PLEKHA5: variants seen among roughly 807,000 people sequenced by gnomAD.
PLEKHA5 encodes pleckstrin homology domain containing A5, also known as pleckstrin homology domain-containing family A member 5.
PLEKHA5 carries 55 observed loss-of-function variants against 181.9 expected under a neutral mutation model. That is an observed-to-expected ratio of 0.30 (90% confidence interval 0.24 to 0.38). The LOEUF (loss-of-function observed/expected upper bound fraction) is 0.38. Ranked by LOEUF, PLEKHA5 falls within the 10% of genes least tolerant of loss-of-function variation. PLEKHA5 has a pLI of 1.00. For missense variants in PLEKHA5, 1,432 were observed against 1,549.5 expected, an observed-to-expected ratio of 0.92 and a Z score of 1.27; for synonymous variants, 535 against 529.4, an observed-to-expected ratio of 1.01 and a Z score of -0.15.
intron 3 of PLEKHA5, among the ~76,000 whole-genome samples, chr12:19,241,808 A>C (rs2062669628): frequency 6.6e-6 from 1 of 152,064 alleles, no homozygotes; most frequent in African/African-American, 2.4e-5. Context: ...AAATACATAC[A>C]ATTTTTTTTT....
intron 3 of PLEKHA5, among the ~76,000 whole-genome samples, chr12:19,189,044 G>A (rs990697628): frequency 1.3e-5 from 2 of 152,272 alleles, no homozygotes; most frequent in East Asian, 3.9e-4. Context: ...TCAATAAAGT[G>A]TGTTTAAATG....
chr12:19,353,961 G>A lies in PLEKHA5; in HGVS notation c.3097G>A (p.Val1033Ile), dbSNP rs1468675379. 6 of 1,606,788 alleles carry A rather than the reference G, an allele frequency of 3.7e-6. No individual in the cohort carries two copies. The highest frequency in any genetic ancestry group is 1.7e-5 in the Admixed American group (1 of 59,890). Residue 1033 changes from valine (V) to isoleucine (I), a missense_variant, in exon 26 of 32, where the codon GTA (valine) becomes ATA (isoleucine). Physicochemically the swap from Val to Ile is conservative, Grantham distance 29. Coordinates refer to ENST00000429027, the MANE Select transcript of PLEKHA5 (RefSeq NM_001256470.2). ...TPESSTIASY[V>I]TLRKTKKMMD... is the part of the protein sequence containing the mutation. ...CGAATCTTCGACAATAGCTTCCTAT[G>A]TAACCTTGAGGAAAACTAAGAAGAT...
At chr12:19,261,069 A>AC in intron 7 of PLEKHA5, 48 bp downstream of exon 7, 1 of 988,758 alleles carries the variant, frequency 1.0e-6, no homozygotes, top group Non-Finnish European at 1.6e-6. Flanking sequence ...ATTGATATGT[A>AC]ATATAAGTTA....
intron 3 of PLEKHA5, among the ~76,000 whole-genome samples, chr12:19,189,866 T>C (rs2050697452): frequency 6.6e-6 from 1 of 152,230 alleles, no homozygotes; most frequent in Admixed American, 6.5e-5. Context: ...AGGGCTCTTT[T>C]GAGAACAGCC....
At chr12:19,151,718 T>C (rs950093335) in intron 3 of PLEKHA5, 1 of 152,106 alleles carries the variant, frequency 6.6e-6, no homozygotes, top group Non-Finnish European at 1.5e-5. Flanking sequence ...ATTAATGATA[T>C]ATGCAAATAC....
intron 20 of PLEKHA5, among the ~76,000 whole-genome samples, chr12:19,332,415 A>G (rs778748515): frequency 5.3e-5 from 8 of 152,184 alleles, no homozygotes; most frequent in Non-Finnish European, 1.0e-4. Context: ...TTTTACTAGC[A>G]TACCAGAAGC....
intron 3 of PLEKHA5, among the ~76,000 whole-genome samples, chr12:19,187,515 G>A (rs551805755): frequency 2.6e-5 from 4 of 152,236 alleles, no homozygotes; most frequent in South Asian, 2.1e-4. Context: ...GCTTCAGTTC[G>A]TCAGTCATGG....
intron 3 of PLEKHA5, among the ~76,000 whole-genome samples, chr12:19,246,137 C>T (rs899383414): frequency 2.6e-5 from 4 of 151,472 alleles, no homozygotes; most frequent in African/African-American, 4.8e-5. Context: ...CGCCACCACA[C>T]CCGGTTAACT....
intron 2 of PLEKHA5, among the ~76,000 whole-genome samples, chr12:19,131,818 C>A (rs551728980): frequency 6.6e-6 from 1 of 152,250 alleles, no homozygotes; most frequent in Admixed American, 6.5e-5. Flanking sequence ...GACCATTGTT[C>A]ACCTGAATCA....
intron 3 of PLEKHA5, among the ~76,000 whole-genome samples, chr12:19,220,394 C>A (rs555779501): frequency 1.3e-4 from 20 of 152,116 alleles, no homozygotes; most frequent in African/African-American, 4.3e-4. Context: ...CAGTCTGCGT[C>A]ATTAAGTTTG....
intron 24 of PLEKHA5, 21 bp from the exon 25 acceptor site, chr12:19,348,378 A>G: frequency 6.4e-7 from 1 of 1,554,086 alleles, no homozygotes; most frequent in Non-Finnish European, 8.7e-7. Flanking sequence ...TTTTAGGGTA[A>G]TTACATGTCT....
In PLEKHA5 at chr12:19,202,253, GTC is replaced by G. The variant is rs527827602; in HGVS notation, c.228-51683_228-51682del. Among the ~76,000 whole-genome samples, 83 of 152,132 alleles carry G rather than the reference GTC, an allele frequency of 5.5e-4. 1 individual carries two copies. The South Asian group carries it at 0.011, about 21-fold the overall frequency. ...TGTGTGACACTGGAGAAGCCTCTGA[GTC>G]TCTGTGTCCAGATTTGTTTACCAGG... is the stretch of plus-strand genomic sequence containing the variant. On this transcript the variant is annotated intron_variant, in intron 3 of 31. Coordinates refer to ENST00000429027, the MANE Select transcript of PLEKHA5 (RefSeq NM_001256470.2).
chr12:19,249,108 A>G (rs1023794059), intron 3 of PLEKHA5, among the ~76,000 whole-genome samples: 1 of 152,156 alleles, frequency 6.6e-6, no homozygotes, highest in Non-Finnish European at 1.5e-5. Flanking sequence ...CAAAGTAGGA[A>G]GATCACTTGA....
chr12:19,206,766 C>T (rs1176985864), intron 3 of PLEKHA5, among the ~76,000 whole-genome samples: 1 of 152,008 alleles, frequency 6.6e-6, no homozygotes, highest in Non-Finnish European at 1.5e-5. Flanking sequence ...GGAGGGTTAG[C>T]GTTTAGAGAT....
intron 3 of PLEKHA5, among the ~76,000 whole-genome samples, chr12:19,229,055 T>A (rs2060075614): frequency 6.6e-6 from 1 of 152,216 alleles, no homozygotes; most frequent in Non-Finnish European, 1.5e-5. Context: ...AAATCTGCCC[T>A]CCAGTATCAG....
chr12:19,177,015 G>T (rs530053854), intron 3 of PLEKHA5, among the ~76,000 whole-genome samples: 53 of 151,940 alleles, frequency 3.5e-4, no homozygotes, highest in African/African-American at 1.2e-3. Context: ...TTACAGGCAC[G>T]CACCACCACA....
intron 8 of PLEKHA5, among the ~76,000 whole-genome samples, chr12:19,267,308 C>G (rs948795622): frequency 2.0e-5 from 3 of 152,076 alleles, no homozygotes; most frequent in Non-Finnish European, 4.4e-5. Context: ...AAATTCCCAC[C>G]ACTTGTAGAG....
intron 15 of PLEKHA5, among the ~76,000 whole-genome samples, chr12:19,298,205 A>T (rs1477372085): frequency 1.3e-5 from 2 of 151,956 alleles, no homozygotes; most frequent in South Asian, 4.1e-4. Flanking sequence ...TCTCCAAAAA[A>T]AGAAGAGGAG....
intron 3 of PLEKHA5, chr12:19,200,336 T>G (rs1450034380): frequency 6.5e-7 from 1 of 1,529,968 alleles, no homozygotes; most frequent in East Asian, 2.5e-5. Flanking sequence ...TGAATAGATT[T>G]CCTTTTCATT....
Sources: allele counts gnomAD v4.1 joint callset (sites outside exome capture counted in the v4.1 genomes callset), GRCh38; gene constraint gnomAD v4.1.1; transcripts MANE v1.5; gene names NCBI Gene and HGNC (gene_info 2026-07-23, HGNC 2026-07-21).